The following PPP4R4 variants were observed in gnomAD, a reference collection of about 807,000 sequenced individuals.
PPP4R4 encodes protein phosphatase 4 regulatory subunit 4, also known as serine/threonine-protein phosphatase 4 regulatory subunit 4.
PPP4R4 carries 70 observed loss-of-function variants against 121.8 expected under a neutral mutation model. The ratio of observed to expected loss-of-function variants is 0.57; its 90% CI spans 0.47 to 0.70. PPP4R4 has a LOEUF of 0.70. Ranked by LOEUF, PPP4R4 falls within the 30% of genes least tolerant of loss-of-function variation. The pLI, the probability that PPP4R4 is intolerant of heterozygous loss-of-function variation, is 0.00. For synonymous variants in PPP4R4, 348 were observed against 355.7 expected (o/e 0.98, Z 0.24); for missense variants, 875 against 1,033.6 (o/e 0.85, Z 2.10).
intron 2 of PPP4R4, among the ~76,000 whole-genome samples, chr14:94,190,872 C>T (rs796796087): frequency 6.9e-6 from 1 of 145,558 alleles, no homozygotes; most frequent in African/African-American, 2.5e-5. Flanking sequence ...TGATTTCCAA[C>T]TTTTTTTTTT....
At chr14:94,197,711 C>A (rs1379283593) in intron 2 of PPP4R4, among the ~76,000 whole-genome samples, 1 of 152,160 alleles carries the variant, frequency 6.6e-6, no homozygotes, top group Non-Finnish European at 1.5e-5. Flanking sequence ...TTTTGTAACC[C>A]AGCTTTCATT....
At chr14:94,238,066 G>A (rs142669172) in intron 8 of PPP4R4, among the ~76,000 whole-genome samples, 1 of 152,330 alleles carries the variant, frequency 6.6e-6, no homozygotes, top group Non-Finnish European at 1.5e-5. Flanking sequence ...AAGGGAGAGG[G>A]AACAAAAGAA....
Position 94,174,426 on chromosome 14 carries a change from G to C in PPP4R4, c.-40G>C. 1 of 1,499,582 alleles carries C rather than the reference G, an allele frequency of 6.7e-7. No homozygotes were observed. The highest frequency in any genetic ancestry group is 8.9e-7 in the Non-Finnish European group (1 of 1,123,860). The allele number at this position is 1,499,582 out of a possible 1,614,324, so 92.9% of individuals were successfully genotyped here. A position where few individuals can be genotyped will look rare whatever the true frequency, so the allele number is the denominator to read the frequency against. On this transcript the variant is annotated 5_prime_UTR_variant, in exon 1 of 25. Transcript: ENST00000304338. ...GGGGCTGAGGGCGTCCGGCATCCCGGGGCCGCTCCGGCCCGGGCGGCGAGA... is the reference window on the plus strand; with the variant it reads ...GGGGCTGAGGGCGTCCGGCATCCCGCGGCCGCTCCGGCCCGGGCGGCGAGA...
At chr14:94,183,118 ATTGTCTCTTAGGAGATGAGGCATG>A (rs923880745) in intron 2 of PPP4R4, among the ~76,000 whole-genome samples, 5 of 152,088 alleles carry the variant, frequency 3.3e-5, no homozygotes, top group Admixed American at 2.6e-4. Context: ...CAGTTATTAG[ATTGTCTCTTAGGAGATGAGGCATG>A]TTGTGTGATT....
chr14:94,228,826 CAAAT>C (rs1410596711), intron 3 of PPP4R4, among the ~76,000 whole-genome samples: 1 of 152,092 alleles, frequency 6.6e-6, no homozygotes, highest in Non-Finnish European at 1.5e-5. Flanking sequence ...AGGCCATAAA[CAAAT>C]AAATATGTTG....
At chr14:94,250,399 T>A (rs1336667479) in intron 15 of PPP4R4, 122 bp downstream of exon 15, 14 of 627,722 alleles carry the variant, frequency 2.2e-5, no homozygotes, top group Non-Finnish European at 3.6e-5. Flanking sequence ...TTTTATAAGA[T>A]GATTTTTATT....
At chr14:94,247,330 G>T (rs1031281464) in intron 14 of PPP4R4, among the ~76,000 whole-genome samples, 52 of 152,236 alleles carry the variant, frequency 3.4e-4, no homozygotes, top group African/African-American at 1.2e-3. Context: ...AGTTGGGGTA[G>T]TGCAAGCTGG....
At chr14:94,183,473 G>A (rs1357587332) in intron 2 of PPP4R4, among the ~76,000 whole-genome samples, 1 of 152,144 alleles carries the variant, frequency 6.6e-6, no homozygotes, top group African/African-American at 2.4e-5. Context: ...TGAATTCCCT[G>A]TTTTGGAAAA....
intron 2 of PPP4R4, among the ~76,000 whole-genome samples, chr14:94,201,945 A>C (rs976060592): frequency 6.7e-6 from 1 of 149,610 alleles, no homozygotes; most frequent in African/African-American, 2.5e-5. Context: ...TATATATATA[A>C]ATATATATAT....
intron 7 of PPP4R4, among the ~76,000 whole-genome samples, chr14:94,235,063 T>C (rs941137215): frequency 6.6e-6 from 1 of 152,198 alleles, no homozygotes; most frequent in African/African-American, 2.4e-5. Context: ...AAGTCTCTGA[T>C]ATAAAAGAGT....
chr14:94,246,396 G>A lies in PPP4R4; in HGVS notation c.1468G>A (p.Ala490Thr), dbSNP rs1892896457. The A allele has an allele frequency of 6.2e-7, 1 of 1,613,426 alleles. No homozygotes were observed. The highest frequency in any genetic ancestry group is 1.3e-5 in the African/African-American group (1 of 74,866). The part of the protein sequence containing the change: ...LPDLIPALTA[A>T]EQRAAASLKW... ...TGACTTGATTCCAGCACTCACAGCTGCTGAACAGCGAGCTGCAGCCTCTTT... is the reference window on the plus strand; with the variant it reads ...TGACTTGATTCCAGCACTCACAGCTACTGAACAGCGAGCTGCAGCCTCTTT... The change falls in exon 14 of 25, where the codon GCT becomes ACT. Residue 490 changes from alanine to threonine, a missense_variant. By Grantham distance (58) the Ala-to-Thr change is moderately conservative. Transcript: ENST00000304338.
chr14:94,256,587 C>T lies in PPP4R4; in HGVS notation c.1993C>T (p.Leu665=). 2 of 1,606,114 alleles carry T rather than the reference C, an allele frequency of 1.2e-6. No homozygotes were observed. Among genetic ancestry groups the T allele is most frequent in the Non-Finnish European group, 1.7e-6 (2 of 1,174,920 alleles). ...LLCQEKDKDV[L]AIVKRTVLEL... is the part of the protein sequence containing the mutation. ...GTGTCAAGAAAAAGATAAAGATGTTCTGGCTATTGTAAAAAGAGTAAGTAT... is the reference window on the plus strand; with the variant it reads ...GTGTCAAGAAAAAGATAAAGATGTTTTGGCTATTGTAAAAAGAGTAAGTAT... Residue 665 remains leucine (L), a synonymous_variant, in exon 17 of 25, where the codon CTG becomes TTG. Transcript: ENST00000304338.
chr14:94,244,164 G>T (rs1216063274), intron 11 of PPP4R4, among the ~76,000 whole-genome samples: 1 of 152,122 alleles, frequency 6.6e-6, no homozygotes, highest in Non-Finnish European at 1.5e-5. Context: ...TAAAGTCTTT[G>T]ATGGGGAAAA....
intron 2 of PPP4R4, among the ~76,000 whole-genome samples, chr14:94,186,244 A>G (rs1889274898): frequency 6.6e-6 from 1 of 152,188 alleles, no homozygotes; most frequent in Non-Finnish European, 1.5e-5. Flanking sequence ...TTGTGTGCTT[A>G]GATTATCTCT....
intron 2 of PPP4R4, among the ~76,000 whole-genome samples, chr14:94,200,969 A>T (rs1325697954): frequency 3.3e-5 from 5 of 152,148 alleles, no homozygotes; most frequent in African/African-American, 1.2e-4. Flanking sequence ...ATTTAATGCT[A>T]TGAACTCTCC....
chr14:94,211,015 G>A (rs922059399), intron 3 of PPP4R4, among the ~76,000 whole-genome samples: 1 of 152,052 alleles, frequency 6.6e-6, no homozygotes, highest in African/African-American at 2.4e-5. Flanking sequence ...ACAGCATCTC[G>A]GGTAACTGCT....
chr14:94,264,080 G>A (rs917357053), intron 19 of PPP4R4, among the ~76,000 whole-genome samples: 9 of 152,102 alleles, frequency 5.9e-5, no homozygotes, highest in African/African-American at 1.4e-4. Flanking sequence ...ATACAAGTGC[G>A]TCTATTTTGG....
chr14:94,186,463 C>T (rs1049194781), intron 2 of PPP4R4, among the ~76,000 whole-genome samples: 7 of 152,046 alleles, frequency 4.6e-5, no homozygotes, highest in East Asian at 1.9e-4. Flanking sequence ...ATAATGATTC[C>T]GTTTAATGGG....
chr14:94,214,041 G>A (rs1890886169), intron 3 of PPP4R4, among the ~76,000 whole-genome samples: 4 of 152,242 alleles, frequency 2.6e-5, no homozygotes, highest in African/African-American at 9.6e-5. Context: ...ATATTTGTCA[G>A]TCTAGTTTCT....
Sources: allele counts gnomAD v4.1 joint callset (sites outside exome capture counted in the v4.1 genomes callset), GRCh38; gene constraint gnomAD v4.1.1; transcripts MANE v1.5; gene names NCBI Gene and HGNC (gene_info 2026-07-23, HGNC 2026-07-21).